PKHD1: variants seen among roughly 807,000 people sequenced by gnomAD.
PKHD1 encodes fibrocystin.
PKHD1 carries 291 observed loss-of-function variants against 412.0 expected under a neutral mutation model. The observed-to-expected ratio is 0.71, with a 90% CI of 0.64 to 0.78. The LOEUF is 0.78. Ranked by LOEUF, PKHD1 falls within the 30% of genes least tolerant of loss-of-function variation. The probability of loss-of-function intolerance (pLI) is 0.00; values close to 1 mark genes in which losing one functional copy is unlikely to be tolerated. For synonymous variants in PKHD1, 1,777 were observed against 1,821.5 expected, an observed-to-expected ratio of 0.98 and a Z score of 0.62; for missense variants, 4,825 against 4,950.7, an observed-to-expected ratio of 0.97 and a Z score of 0.76.
At chr6:51,838,906 C>T (rs187297326) in intron 50 of PKHD1, among the ~76,000 whole-genome samples, 2 of 152,278 alleles carry the variant, frequency 1.3e-5, no homozygotes, top group African/African-American at 4.8e-5. Flanking sequence ...ATAGAATAGT[C>T]CATGGAACAT....
intron 21 of PKHD1, among the ~76,000 whole-genome samples, chr6:52,050,630 T>C (rs959561679): frequency 2.0e-5 from 3 of 152,200 alleles, no homozygotes; most frequent in African/African-American, 7.2e-5. Flanking sequence ...CCTGCCACCC[T>C]TTCCTCCTTT....
intron 54 of PKHD1, among the ~76,000 whole-genome samples, chr6:51,773,010 A>G (rs1398222843): frequency 6.6e-6 from 1 of 152,074 alleles, no homozygotes; most frequent in Non-Finnish European, 1.5e-5. Flanking sequence ...GCTATAGAAA[A>G]AAGAATGCTA....
chr6:51,838,521 C>T (rs549716263), intron 50 of PKHD1, among the ~76,000 whole-genome samples: 2 of 152,294 alleles, frequency 1.3e-5, no homozygotes, highest in South Asian at 2.1e-4. Flanking sequence ...ACTTCATTAA[C>T]GTTGAGTGTG....
At chr6:52,062,204 G>T (rs547109925) in intron 14 of PKHD1, among the ~76,000 whole-genome samples, 1 of 152,276 alleles carries the variant, frequency 6.6e-6, no homozygotes, top group East Asian at 1.9e-4. Context: ...TCTTAACCAG[G>T]TACCTAAAGC....
At chr6:51,868,208 A>C (rs1775398845) in intron 47 of PKHD1, 99 bp from the exon 48 acceptor site, 1 of 1,107,498 alleles carries the variant, frequency 9.0e-7, no homozygotes, top group African/African-American at 1.5e-5. Flanking sequence ...ATATTTATCT[A>C]GTTTTACAAT....
chr6:51,943,124 G>A (rs1788840169), intron 36 of PKHD1, among the ~76,000 whole-genome samples: 1 of 151,348 alleles, frequency 6.6e-6, no homozygotes, highest in Admixed American at 6.6e-5. Flanking sequence ...ATAATGGACT[G>A]GCCTTTATTA....
chr6:51,771,243 T>C (rs746932991), intron 55 of PKHD1, among the ~76,000 whole-genome samples: 11 of 152,064 alleles, frequency 7.2e-5, no homozygotes, highest in Non-Finnish European at 1.5e-4. Context: ...ACCTACTGAT[T>C]ATGTATTTTT....
chr6:51,763,887 A>C (rs990488685), intron 55 of PKHD1, among the ~76,000 whole-genome samples: 3 of 151,894 alleles, frequency 2.0e-5, no homozygotes, highest in African/African-American at 7.3e-5. Flanking sequence ...CCTCCTATCC[A>C]TACTACCCCC....
chr6:51,961,946 A>G (rs1017508636), intron 35 of PKHD1, among the ~76,000 whole-genome samples: 1 of 152,138 alleles, frequency 6.6e-6, no homozygotes, highest in African/African-American at 2.4e-5. Flanking sequence ...TCAAAAGCTC[A>G]AGAATTGGGA....
intron 37 of PKHD1, among the ~76,000 whole-genome samples, chr6:51,922,639 TCAGCAATGGCGGATGCCCCTCCC>T (rs1460904390): frequency 1.3e-5 from 2 of 152,206 alleles, no homozygotes; most frequent in Non-Finnish European, 2.9e-5. Flanking sequence ...TACTCAAGCC[TCAGCAATGGCGGATGCCCCTCCC>T]CAAGCCTCGC....
At chr6:51,851,741 G>A (rs1226237268) in intron 49 of PKHD1, among the ~76,000 whole-genome samples, 2 of 151,918 alleles carry the variant, frequency 1.3e-5, no homozygotes, top group Non-Finnish European at 2.9e-5. Flanking sequence ...ATTTCTGTGG[G>A]GTCAGTGGTG....
chr6:51,631,944 T>C (rs1257025925), intron 65 of PKHD1, among the ~76,000 whole-genome samples: 2 of 150,754 alleles, frequency 1.3e-5, no homozygotes, highest in African/African-American at 2.4e-5. Flanking sequence ...TTTTTCTTTT[T>C]TTTTTTTTTT....
intron 52 of PKHD1, among the ~76,000 whole-genome samples, chr6:51,808,038 A>T (rs7747580): frequency 0.57 from 86,181 of 151,956 alleles, 24,815 homozygotes; most frequent in East Asian, 0.78. Flanking sequence ...ACAATTTAAA[A>T]GGATGAATTT....
intron 37 of PKHD1, among the ~76,000 whole-genome samples, chr6:51,926,220 C>A (rs1054743781): frequency 6.6e-6 from 1 of 152,070 alleles, no homozygotes; most frequent in Non-Finnish European, 1.5e-5. Context: ...CACAGGACTG[C>A]CATTTCTGCC....
At chr6:51,905,111 G>T (rs967970351) in intron 41 of PKHD1, among the ~76,000 whole-genome samples, 1 of 152,144 alleles carries the variant, frequency 6.6e-6, no homozygotes. Context: ...AATGAAACAT[G>T]TATTTTTCCC....
At chr6:52,053,401 C>A in intron 20 of PKHD1, 150 bp from the exon 21 acceptor site, 1 of 752,728 alleles carries the variant, frequency 1.3e-6, no homozygotes, top group Non-Finnish European at 2.3e-6. Context: ...GTCCTGGGTG[C>A]CAAGGCTACA....
intron 6 of PKHD1, among the ~76,000 whole-genome samples, 190 bp from the exon 7 acceptor site, chr6:52,073,731 T>C (rs1810972983): frequency 6.6e-6 from 1 of 152,132 alleles, no homozygotes; most frequent in African/African-American, 2.4e-5. Flanking sequence ...TATTACACAA[T>C]ATAAAAGCTA....
At chr6:51,632,452 G>T in intron 65 of PKHD1, 113 bp downstream of exon 65, 1 of 835,674 alleles carries the variant, frequency 1.2e-6, no homozygotes, top group Non-Finnish European at 1.9e-6. Context: ...TTATATTTTA[G>T]AGAAGCTCAC....
intron 52 of PKHD1, among the ~76,000 whole-genome samples, chr6:51,809,083 A>G (rs919513361): frequency 2.4e-4 from 36 of 152,170 alleles, no homozygotes; most frequent in African/African-American, 8.2e-4. Context: ...TAATACTCAA[A>G]GATACAAAAT....
Sources: allele counts gnomAD v4.1 joint callset (sites outside exome capture counted in the v4.1 genomes callset), GRCh38; gene constraint gnomAD v4.1.1; transcripts MANE v1.5; gene names NCBI Gene and HGNC (gene_info 2026-07-23, HGNC 2026-07-21).